HIBADH: variants seen among roughly 807,000 people sequenced by gnomAD.
The protein encoded by HIBADH is 3-hydroxyisobutyrate dehydrogenase, mitochondrial.
Under a neutral mutation model 36.1 loss-of-function variants are expected in HIBADH, and 25 were observed. That is an observed-to-expected ratio of 0.69 (90% CI 0.50 to 0.97). The LOEUF (loss-of-function observed/expected upper bound fraction) is 0.97, where lower values mean the gene tolerates loss of function less well. Ranked by LOEUF, HIBADH falls within the 50% of genes least tolerant of loss-of-function variation. The pLI, the probability that HIBADH is intolerant of heterozygous loss-of-function variation, is 0.00. For synonymous variants in HIBADH, 160 were observed against 149.5 expected (o/e 1.07, Z -0.51); for missense variants, 421 against 418.0 (o/e 1.01, Z -0.06).
intron 4 of HIBADH, among the ~76,000 whole-genome samples, chr7:27,614,355 C>A (rs531255128): frequency 6.6e-6 from 1 of 152,308 alleles, no homozygotes; most frequent in South Asian, 2.1e-4. Context: ...TTAGCTTACA[C>A]TTCACAGAGA....
rs923207312 is a variant in HIBADH, at chr7:27,662,878, G to A, written c.-90C>T. ...CGTGTGCAGCGGGACTGGCTGGCTC[G>A]CCCACGGAGAAGGGCGCGCGCGCAC... On this transcript the variant is annotated 5_prime_UTR_variant, in exon 1 of 8. Coordinates refer to ENST00000265395, the MANE Select transcript of HIBADH (RefSeq NM_152740.4). 8.0e-5 allele frequency: 88 copies of A among 1,098,652 alleles called. No homozygotes were observed. The highest frequency in any genetic ancestry group is 9.7e-5 in the Non-Finnish European group (80 of 827,542). 68.1% of individuals were successfully genotyped at this position (1,098,652 alleles called of 1,614,324 possible).
intron 4 of HIBADH, among the ~76,000 whole-genome samples, chr7:27,554,883 T>G (rs574396447): frequency 6.6e-6 from 1 of 152,160 alleles, no homozygotes; most frequent in African/African-American, 2.4e-5. Flanking sequence ...TGGGGTACAG[T>G]TGAAGAGGGT....
At chr7:27,606,244 G>A (rs1440713518) in intron 4 of HIBADH, among the ~76,000 whole-genome samples, 1 of 152,154 alleles carries the variant, frequency 6.6e-6, no homozygotes, top group Non-Finnish European at 1.5e-5. Context: ...TGGTAAGAAT[G>A]TTTTTATGGT....
At chr7:27,609,735 A>G (rs1032582024) in intron 4 of HIBADH, among the ~76,000 whole-genome samples, 32 of 152,334 alleles carry the variant, frequency 2.1e-4, no homozygotes, top group African/African-American at 7.2e-4. Flanking sequence ...AGCCTTTCAT[A>G]TAATAGTCAA....
At chr7:27,588,764 A>ATTTT (rs2128288651) in intron 4 of HIBADH, among the ~76,000 whole-genome samples, 1 of 152,242 alleles carries the variant, frequency 6.6e-6, no homozygotes. Flanking sequence ...ATACTCTAAA[A>ATTTT]GCACAAAGTG....
At chr7:27,585,266 TGTA>T (rs1784843598) in intron 4 of HIBADH, among the ~76,000 whole-genome samples, 1 of 45,442 alleles carries the variant, frequency 2.2e-5, no homozygotes. Context: ...CACGTGTGTA[TGTA>T]TGTGTATGTA....
At chr7:27,603,132 T>C (rs1032425353) in intron 4 of HIBADH, among the ~76,000 whole-genome samples, 6 of 152,212 alleles carry the variant, frequency 3.9e-5, no homozygotes, top group Admixed American at 2.0e-4. Context: ...CTGGATGTTT[T>C]ATTACCTTGG....
intron 4 of HIBADH, among the ~76,000 whole-genome samples, chr7:27,614,154 T>A (rs1340860351): frequency 6.6e-6 from 1 of 152,212 alleles, no homozygotes; most frequent in African/African-American, 2.4e-5. Flanking sequence ...CAAGTATTAG[T>A]ATGTTTTTCT....
At chr7:27,603,619 A>G (rs1189531133) in intron 4 of HIBADH, among the ~76,000 whole-genome samples, 1 of 152,152 alleles carries the variant, frequency 6.6e-6, no homozygotes, top group Non-Finnish European at 1.5e-5. Flanking sequence ...ACTGTGTCCT[A>G]ATCAGTTTTT....
In HIBADH at chr7:27,606,078, T is replaced by C. The variant is rs73285185; in HGVS notation, c.484+23293A>G. 2.8e-3 allele frequency among the ~76,000 whole-genome samples: 367 copies of C among 132,810 alleles called. 5 individuals carry two copies. The highest frequency in any genetic ancestry group is 0.01 in the African/African-American group (356 of 34,484). The allele number at this position is 132,810 out of a possible 152,430, so 87.1% of individuals were successfully genotyped here. ...TAAACTGTACATATGCACATGACAA[T>C]TTCCTCAGCATTTAAACATCATAAA... On this transcript the variant is annotated intron_variant, in intron 4 of 7. Coordinates refer to ENST00000265395, the MANE Select transcript of HIBADH (RefSeq NM_152740.4).
At chr7:27,599,327 T>A (rs1355877518) in intron 4 of HIBADH, among the ~76,000 whole-genome samples, 2 of 152,200 alleles carry the variant, frequency 1.3e-5, no homozygotes, top group Non-Finnish European at 2.9e-5. Context: ...CAGAGCCAAT[T>A]AGATCAATTT....
intron 4 of HIBADH, among the ~76,000 whole-genome samples, chr7:27,560,372 G>T (rs780516122): frequency 9.9e-5 from 15 of 152,192 alleles, no homozygotes; most frequent in Non-Finnish European, 2.1e-4. Context: ...ACCTGTCTCT[G>T]CTTCCCATGG....
At chr7:27,634,681 ACT>A (rs1372351401) in intron 2 of HIBADH, among the ~76,000 whole-genome samples, 1 of 152,154 alleles carries the variant, frequency 6.6e-6, no homozygotes, top group Non-Finnish European at 1.5e-5. Flanking sequence ...GTTAATTTCA[ACT>A]CTCTCTTAGG....
chr7:27,595,495 A>AC (rs1355223298), intron 4 of HIBADH, among the ~76,000 whole-genome samples: 1 of 151,654 alleles, frequency 6.6e-6, no homozygotes, highest in East Asian at 1.9e-4. Flanking sequence ...CTAGATTGTG[A>AC]CACTGCACTC....
At chr7:27,617,131 T>TA (rs1447220386) in intron 4 of HIBADH, among the ~76,000 whole-genome samples, 2 of 152,188 alleles carry the variant, frequency 1.3e-5, no homozygotes, top group Non-Finnish European at 2.9e-5. Context: ...CCATTTATGG[T>TA]AAGTGGCCCT....
intron 4 of HIBADH, among the ~76,000 whole-genome samples, chr7:27,614,667 T>C (rs751343762): frequency 6.6e-6 from 1 of 152,218 alleles, no homozygotes; most frequent in African/African-American, 2.4e-5. Flanking sequence ...TCTCATCCCT[T>C]TGCTTTCAAC....
chr7:27,582,472 G>C (rs770317284), intron 4 of HIBADH, among the ~76,000 whole-genome samples: 1 of 152,036 alleles, frequency 6.6e-6, no homozygotes, highest in African/African-American at 2.4e-5. Context: ...GGGATTGTGG[G>C]ACTATGGGAA....
At chr7:27,641,254 C>T (rs1426340596) in intron 2 of HIBADH, among the ~76,000 whole-genome samples, 1 of 152,168 alleles carries the variant, frequency 6.6e-6, no homozygotes. Flanking sequence ...TGATTTTCTT[C>T]CCTGCAAATC....
intron 4 of HIBADH, among the ~76,000 whole-genome samples, chr7:27,622,389 G>A (rs1212535281): frequency 6.6e-6 from 1 of 151,994 alleles, no homozygotes; most frequent in Non-Finnish European, 1.5e-5. Flanking sequence ...AATGCCCAAA[G>A]ATCATAACAT....
Sources: gnomAD v4.1 joint callset for allele counts (sites outside exome capture counted in the v4.1 genomes callset) on GRCh38, gnomAD v4.1.1 for gene constraint, MANE v1.5 for transcripts, NCBI Gene and HGNC (gene_info 2026-07-23, HGNC 2026-07-21) for gene names.